The following DLGAP1 variants were observed in gnomAD, a reference collection of about 807,000 sequenced individuals.
DLGAP1 encodes DLG associated protein 1.
DLGAP1 carries 11 observed loss-of-function variants against 90.8 expected under a neutral mutation model. The observed-to-expected ratio is 0.12, with a 90% CI of 0.08 to 0.20. The LOEUF (loss-of-function observed/expected upper bound fraction) is 0.20. DLGAP1 is among the 10% of genes least tolerant of loss of function. The probability of loss-of-function intolerance (pLI) is 1.00; values close to 1 mark genes in which losing one functional copy is unlikely to be tolerated. For synonymous variants in DLGAP1, 558 were observed against 540.7 expected, an observed-to-expected ratio of 1.03 and a Z score of -0.44; for missense variants, 1,050 against 1,333.8, an observed-to-expected ratio of 0.79 and a Z score of 3.31.
chr18:3,570,761 T>C (rs984912763), intron 8 of DLGAP1, among the ~76,000 whole-genome samples: 1 of 151,454 alleles, frequency 6.6e-6, no homozygotes, highest in Non-Finnish European at 1.5e-5. Flanking sequence ...AGACCCTGTC[T>C]CTACAAAAAA....
At chr18:3,871,912 C>T (rs2070770612) in intron 4 of DLGAP1, among the ~76,000 whole-genome samples, 1 of 152,162 alleles carries the variant, frequency 6.6e-6, no homozygotes, top group Non-Finnish European at 1.5e-5. Flanking sequence ...ACCGCAGGCT[C>T]ACATAATTCT....
At chr18:4,316,162 C>T (rs1381594811) in intron 1 of DLGAP1, among the ~76,000 whole-genome samples, 1 of 152,188 alleles carries the variant, frequency 6.6e-6, no homozygotes, top group Non-Finnish European at 1.5e-5. Context: ...CTGGATCCAT[C>T]ATAAAATTCT....
chr18:4,033,899 T>C, intron 2 of DLGAP1, among the ~76,000 whole-genome samples: 1 of 151,428 alleles, frequency 6.6e-6, no homozygotes, highest in Non-Finnish European at 1.5e-5. Context: ...CCACCATGCC[T>C]GGCTAATTTT....
chr18:3,664,340 A>C (rs528358924), intron 7 of DLGAP1, among the ~76,000 whole-genome samples: 37 of 152,310 alleles, frequency 2.4e-4, no homozygotes, highest in Non-Finnish European at 4.0e-4. Flanking sequence ...TTCCTGATTC[A>C]AAATCATAAG....
intron 2 of DLGAP1, among the ~76,000 whole-genome samples, chr18:4,089,437 A>G (rs993836797): frequency 6.6e-6 from 1 of 152,208 alleles, no homozygotes; most frequent in Non-Finnish European, 1.5e-5. Context: ...TCTTCGTAGA[A>G]TTACAAAAAA....
intron 1 of DLGAP1, among the ~76,000 whole-genome samples, chr18:4,448,731 C>A (rs1245522588): frequency 6.6e-6 from 1 of 152,084 alleles, no homozygotes; most frequent in Non-Finnish European, 1.5e-5. Flanking sequence ...GAATACACTA[C>A]ATGTCTGGCC....
chr18:3,818,346 G>GTT (rs398031872), intron 4 of DLGAP1, among the ~76,000 whole-genome samples: 59 of 66,508 alleles, frequency 8.9e-4, no homozygotes, highest in Middle Eastern at 9.4e-3. Flanking sequence ...TGTAGGGATG[G>GTT]TTTTTTTTTT....
chr18:3,888,515 C>T (rs945049114), intron 3 of DLGAP1, among the ~76,000 whole-genome samples: 5 of 151,828 alleles, frequency 3.3e-5, no homozygotes, highest in African/African-American at 1.2e-4. Context: ...CAAATAAATG[C>T]CTTCGGAGGC....
chr18:4,428,091 T>C (rs773612070), intron 1 of DLGAP1, among the ~76,000 whole-genome samples: 3 of 152,224 alleles, frequency 2.0e-5, no homozygotes, highest in Admixed American at 1.3e-4. Flanking sequence ...CAAGATTTTA[T>C]AGCAAAGCTG....
chr18:4,159,570 C>G (rs1312077271), intron 1 of DLGAP1, among the ~76,000 whole-genome samples: 1 of 152,128 alleles, frequency 6.6e-6, no homozygotes, highest in Non-Finnish European at 1.5e-5. Context: ...AATGAAAGCT[C>G]CCCACGGAAT....
intron 3 of DLGAP1, chr18:3,885,230 CCT>C (rs2071277764): frequency 6.6e-6 from 1 of 152,104 alleles, no homozygotes; most frequent in Non-Finnish European, 1.5e-5. Context: ...TTTTTTCCCC[CCT>C]CTCCTAATTA....
intron 7 of DLGAP1, among the ~76,000 whole-genome samples, chr18:3,602,458 G>C (rs78002863): frequency 0.98 from 146,285 of 149,950 alleles, 71,365 homozygotes; most frequent in East Asian, 1. Flanking sequence ...AGCCGGGCGT[G>C]GTGGCGGGCG....
intron 8 of DLGAP1, among the ~76,000 whole-genome samples, chr18:3,568,390 T>C (rs556006829): frequency 6.6e-6 from 1 of 152,184 alleles, no homozygotes; most frequent in African/African-American, 2.4e-5. Context: ...AATAGCTATG[T>C]GTATATTACA....
chr18:3,640,111 C>A (rs758841686), intron 7 of DLGAP1, among the ~76,000 whole-genome samples: 1 of 151,802 alleles, frequency 6.6e-6, no homozygotes, highest in African/African-American at 2.4e-5. Context: ...ATTTTTTTTC[C>A]GTATCCCTCA....
intron 3 of DLGAP1, among the ~76,000 whole-genome samples, chr18:3,897,729 G>A (rs1002425410): frequency 5.3e-5 from 8 of 150,154 alleles, no homozygotes; most frequent in Non-Finnish European, 1.2e-4. Context: ...TACAGGTTGA[G>A]TACCCCTTAT....
intron 1 of DLGAP1, among the ~76,000 whole-genome samples, chr18:4,246,922 A>G (rs182619779): frequency 6.6e-6 from 1 of 152,304 alleles, no homozygotes; most frequent in East Asian, 1.9e-4. Flanking sequence ...TTCTTTCATC[A>G]TCATATCTTG....
In DLGAP1 at chr18:3,804,475, C is replaced by T. The variant is rs143193638; in HGVS notation, c.1172+9584G>A. ...TGGATAACAATACTAGGGATGGCTG[C>T]GTGGATATTTTTAACATGCTAATGT... is the stretch of plus-strand genomic sequence containing the variant. On this transcript the variant is annotated intron_variant, in intron 5 of 12. Transcript: ENST00000315677. Among the ~76,000 whole-genome samples the T allele has an allele frequency of 1.8e-3, 281 of 152,288 alleles. 1 individual carries two copies. Among genetic ancestry groups the T allele is most frequent in the African/African-American group, 6.2e-3 (257 of 41,564 alleles).
chr18:3,998,458 C>A (rs1419854201), intron 3 of DLGAP1, among the ~76,000 whole-genome samples: 1 of 150,298 alleles, frequency 6.7e-6, no homozygotes, highest in Non-Finnish European at 1.5e-5. Flanking sequence ...TATTCCAGGT[C>A]CGTCTTGTAC....
chr18:3,865,067 A>C (rs1489482259), intron 4 of DLGAP1, among the ~76,000 whole-genome samples: 1 of 152,126 alleles, frequency 6.6e-6, no homozygotes, highest in Non-Finnish European at 1.5e-5. Context: ...AAAAGTAAGG[A>C]CAGACAAAAT....
Sources: allele counts gnomAD v4.1 joint callset (sites outside exome capture counted in the v4.1 genomes callset), GRCh38; gene constraint gnomAD v4.1.1; transcripts MANE v1.5; gene names NCBI Gene and HGNC (gene_info 2026-07-23, HGNC 2026-07-21).